The following PC variants were observed in gnomAD, a reference collection of about 807,000 sequenced individuals.
PC encodes pyruvate carboxylase.
Under a neutral mutation model 107.8 loss-of-function variants are expected in PC, and 46 were observed. The ratio of observed to expected loss-of-function variants is 0.43; its 90% CI spans 0.34 to 0.55. PC has a LOEUF of 0.55. Among genes scored for constraint, PC ranks in the 20% least tolerant of loss-of-function variants. The pLI is 0.04. For missense variants in PC, 1,241 were observed against 1,643.1 expected, an observed-to-expected ratio of 0.76 and a Z score of 4.23; for synonymous variants, 662 against 684.7, an observed-to-expected ratio of 0.97 and a Z score of 0.52.
intron 3 of PC, among the ~76,000 whole-genome samples, chr11:66,929,917 T>C (rs1445107682): frequency 6.6e-6 from 1 of 152,166 alleles, no homozygotes; most frequent in Non-Finnish European, 1.5e-5. Context: ...AAGTTAACAC[T>C]GAAGCTTTTA....
chr11:66,941,277 AT>A (rs2136132294), intron 3 of PC, among the ~76,000 whole-genome samples: 1 of 152,268 alleles, frequency 6.6e-6, no homozygotes, highest in Admixed American at 6.5e-5. Context: ...GATGTGGAAA[AT>A]AGCATAGCAG....
intron 3 of PC, among the ~76,000 whole-genome samples, chr11:66,906,399 C>T (rs1948166095): frequency 6.6e-6 from 1 of 152,140 alleles, no homozygotes; most frequent in African/African-American, 2.4e-5. Flanking sequence ...GTCTCCTGGC[C>T]TCAGACTCCC....
At chr11:66,881,929 C>T (rs1947202100) in intron 3 of PC, among the ~76,000 whole-genome samples, 1 of 152,188 alleles carries the variant, frequency 6.6e-6, no homozygotes, top group African/African-American at 2.4e-5. Flanking sequence ...TCATCAGGAG[C>T]ACAGTGTGAC....
At chr11:66,952,708 A>T (rs1445459522) in intron 2 of PC, among the ~76,000 whole-genome samples, 4 of 151,984 alleles carry the variant, frequency 2.6e-5, no homozygotes, top group Non-Finnish European at 4.4e-5. Context: ...ACGCCCAGCT[A>T]ATTTGGTATT....
rs1947277422 is a variant in PC, at chr11:66,884,146, AG to A, written c.1-11988del. Among the ~76,000 whole-genome samples the A allele has an allele frequency of 2.0e-5, 3 of 152,030 alleles. No homozygotes were observed. The South Asian group carries it at 6.2e-4, about 32-fold the overall frequency. On this transcript the variant is annotated intron_variant, in intron 3 of 22. Transcript: ENST00000393960. ...GTAATCCCAGCTACTTGGGAGGCTG[AG>A]GCAGGAAAATCGCTTGAACGTGGGA...
chr11:66,866,220 C>T lies in PC; in HGVS notation c.1152G>A (p.Ala384=), dbSNP rs373053724. ...GGCCGGTGTCCGGCTGGAAGCTGCG[C>T]GCGGGGTCCTCGGTGGTGACCCGGC... ...IQCRVTTEDP[A]RSFQPDTGRI... The change falls in exon 11 of 23, where the codon GCG becomes GCA. Residue 384 remains alanine, a synonymous_variant. Coordinates refer to ENST00000393960, the MANE Select transcript of PC (RefSeq NM_001040716.2). This position sits in a 1 kb window ranked among gnomAD's most constrained non-coding sequence, Gnocchi z 5.4. 9.3e-6 allele frequency: 15 copies of T among 1,611,308 alleles called. No individual in the cohort carries two copies. The highest frequency in any genetic ancestry group is 2.2e-5 in the East Asian group (1 of 44,882).
chr11:66,855,039 C>G (rs935520216), intron 12 of PC, among the ~76,000 whole-genome samples: 1 of 152,274 alleles, frequency 6.6e-6, no homozygotes, highest in African/African-American at 2.4e-5. Context: ...TTCCAGCAGG[C>G]CGCTGAGGAA....
intron 3 of PC, among the ~76,000 whole-genome samples, chr11:66,925,739 G>C (rs562059253): frequency 2.0e-5 from 3 of 152,180 alleles, no homozygotes; most frequent in African/African-American, 7.2e-5. Context: ...GAAGTGATAA[G>C]TGTCCCTGAA....
chr11:66,868,752 A>G lies in PC; in HGVS notation c.1022+94T>C. The G allele has an allele frequency of 4.4e-6, 4 of 917,328 alleles. No homozygotes were observed. The South Asian group carries it at 5.2e-5, about 12-fold the overall frequency. 56.8% of individuals were successfully genotyped at this position (917,328 alleles called of 1,614,324 possible). A position where few individuals can be genotyped will look rare whatever the true frequency, so the allele number is the denominator to read the frequency against. On this transcript the variant is annotated intron_variant, in intron 10 of 22. Coordinates refer to ENST00000393960, the MANE Select transcript of PC (RefSeq NM_001040716.2). Reference sequence around the variant, plus strand: ...CTCTCCACCAATGTGGGGAGTGAGCAAGCCCCCTGGCTGGCCCCAGGAGCC... The same window carrying G: ...CTCTCCACCAATGTGGGGAGTGAGCGAGCCCCCTGGCTGGCCCCAGGAGCC...
chr11:66,927,114 C>T (rs903847139), intron 3 of PC, among the ~76,000 whole-genome samples: 2 of 145,820 alleles, frequency 1.4e-5, no homozygotes, highest in Admixed American at 1.5e-4. Flanking sequence ...CCCTCAGTCT[C>T]CTGAGTAGCT....
At chr11:66,892,087 C>G (rs1030317806) in intron 3 of PC, among the ~76,000 whole-genome samples, 1 of 151,852 alleles carries the variant, frequency 6.6e-6, no homozygotes, top group Non-Finnish European at 1.5e-5. Context: ...GGATGTTTAG[C>G]AAGTTATAGG....
Position 66,857,060 on chromosome 11 carries a change from G to GCCCGCCGGCGCGCA in PC, c.1369-3691_1369-3678dup, listed in dbSNP as rs1018017758. The GCCCGCCGGCGCGCA allele has an allele frequency of 6.8e-6, 1 of 146,766 alleles. No homozygotes were observed. Among genetic ancestry groups the GCCCGCCGGCGCGCA allele is most frequent in the African/African-American group, 2.4e-5 (1 of 40,864 alleles). The allele number at this position is 146,766 out of a possible 1,614,324, so 9.1% of individuals were successfully genotyped here. ...CCACGTGCGTGTCCGCGGCGCGCGC[G>GCCCGCCGGCGCGCA]CCCGCCGGCGCGCACCCGCTCGCCT... On this transcript the variant is annotated intron_variant, in intron 12 of 22. Coordinates refer to ENST00000393960, the MANE Select transcript of PC (RefSeq NM_001040716.2). The surrounding 1 kb of genome is among the most constrained non-coding windows in gnomAD (Gnocchi z 7.1).
chr11:66,872,101 G>T lies in PC; in HGVS notation c.59C>A (p.Ser20Tyr). 6.4e-7 allele frequency: 1 copy of T among 1,572,894 alleles called. No homozygotes were observed. ...ATTTGGGGAGGCAGCGGGGGCGGTG[G>T]AGGTTCGGCGGATTCCCAGGAGCCT... ...GLRLLGIRRT[S>Y]TAPAASPNVR... is the part of the protein sequence containing the mutation. The change falls in exon 4 of 23, where the codon TCC (serine) becomes TAC (tyrosine). Residue 20 changes from serine to tyrosine, a missense_variant. Physicochemically the swap from Ser to Tyr is moderately radical, Grantham distance 144 (BLOSUM62 -2). Transcript: ENST00000393960.
rs1945908802 is a variant in PC at position 66,857,177 on chromosome 11, G to T, written c.1369-3794C>A. 1 of 148,922 alleles carries T rather than the reference G, an allele frequency of 6.7e-6. No homozygotes were observed. Among genetic ancestry groups the T allele is most frequent in the African/African-American group, 2.4e-5 (1 of 40,998 alleles). 9.2% of individuals were successfully genotyped at this position (148,922 alleles called of 1,614,324 possible). On this transcript the variant is annotated intron_variant, in intron 12 of 22. Coordinates refer to ENST00000393960, the MANE Select transcript of PC (RefSeq NM_001040716.2). The surrounding 1 kb of genome is among the most constrained non-coding windows in gnomAD (Gnocchi z 7.1). ...GCCCGAGCGCCATGGGCCCGAGGGTGGGCGGCGGGCGGCCGGTCATCCCCG... is the reference window on the plus strand; with the variant it reads ...GCCCGAGCGCCATGGGCCCGAGGGTTGGCGGCGGGCGGCCGGTCATCCCCG...
At chr11:66,949,022 C>T (rs1052182759) in intron 3 of PC, among the ~76,000 whole-genome samples, 2 of 151,344 alleles carry the variant, frequency 1.3e-5, no homozygotes, top group East Asian at 3.9e-4. Context: ...GAGATGGAGT[C>T]TTGCTGTGTC....
intron 3 of PC, among the ~76,000 whole-genome samples, chr11:66,950,037 T>C (rs1281679798): frequency 6.6e-6 from 1 of 152,124 alleles, no homozygotes; most frequent in African/African-American, 2.4e-5. Flanking sequence ...GAATAAATAA[T>C]ATACTTATTA....
intron 22 of PC, 36 bp from the exon 23 acceptor site, chr11:66,849,183 G>C: frequency 6.2e-7 from 1 of 1,613,642 alleles, no homozygotes; most frequent in East Asian, 2.2e-5. Flanking sequence ...TGACATCCTG[G>C]GCCCAGCCAA....
chr11:66,931,590 GA>G (rs60306243), intron 3 of PC, among the ~76,000 whole-genome samples: 1,757 of 150,858 alleles, frequency 0.012, 30 homozygotes, highest in African/African-American at 0.04. Context: ...GCAAAATGAA[GA>G]AAAAAAAACA....
chr11:66,878,836 G>A (rs983313939), intron 3 of PC, among the ~76,000 whole-genome samples: 2 of 152,214 alleles, frequency 1.3e-5, no homozygotes, highest in Admixed American at 6.5e-5. Flanking sequence ...AGGGAAAAGT[G>A]GAACAGAGAG....
Sources: gnomAD v4.1 joint callset for allele counts (sites outside exome capture counted in the v4.1 genomes callset) on GRCh38, gnomAD v4.1.1 for gene constraint, Gnocchi (gnomAD v3.1) non-coding constraint, MANE v1.5 for transcripts, NCBI Gene and HGNC (gene_info 2026-07-23, HGNC 2026-07-21) for gene names.